Variants in PCBP3 observed in about 807,000 individuals in gnomAD.
PCBP3 encodes the protein poly(rC) binding protein 3.
In PCBP3, 25 loss-of-function variants were observed where a neutral mutation model predicts 52.7. That is an observed-to-expected ratio of 0.47 (90% CI 0.35 to 0.66). The LOEUF (loss-of-function observed/expected upper bound fraction) is 0.66. Among genes scored for constraint, PCBP3 ranks in the 30% least tolerant of loss-of-function variants. The pLI is 0.01. For synonymous variants in PCBP3, 162 were observed against 183.0 expected, an observed-to-expected ratio of 0.89 and a Z score of 0.93; for missense variants, 391 against 490.3, an observed-to-expected ratio of 0.80 and a Z score of 1.91.
chr21:45,774,065 G>A (rs1369548415), intron 4 of PCBP3, among the ~76,000 whole-genome samples: 1 of 152,134 alleles, frequency 6.6e-6, no homozygotes, highest in Non-Finnish European at 1.5e-5. Flanking sequence ...GATTTTGTAT[G>A]TTGATTTTGT....
intron 9 of PCBP3, among the ~76,000 whole-genome samples, chr21:45,903,918 C>T (rs973941012): frequency 1.3e-5 from 2 of 152,114 alleles, no homozygotes; most frequent in African/African-American, 4.8e-5. Context: ...AATTCTGAAT[C>T]GCTGCTTTGG....
chr21:45,862,394 A>T (rs1293505418), intron 5 of PCBP3, among the ~76,000 whole-genome samples: 3 of 152,218 alleles, frequency 2.0e-5, no homozygotes, highest in Non-Finnish European at 4.4e-5. Context: ...TATTTCATGT[A>T]TAATAGCAAG....
At chr21:45,794,255 A>T (rs1166556260) in intron 4 of PCBP3, among the ~76,000 whole-genome samples, 1 of 152,228 alleles carries the variant, frequency 6.6e-6, no homozygotes, top group African/African-American at 2.4e-5. Context: ...GGCTCTACAG[A>T]AAATTTACAA....
intron 4 of PCBP3, among the ~76,000 whole-genome samples, chr21:45,789,214 G>A (rs968696199): frequency 6.6e-6 from 1 of 152,228 alleles, no homozygotes; most frequent in Non-Finnish European, 1.5e-5. Context: ...ACATGCAAAT[G>A]TGCATGCATG....
chr21:45,744,012 G>T (rs773848065), intron 3 of PCBP3, among the ~76,000 whole-genome samples: 1 of 151,514 alleles, frequency 6.6e-6, no homozygotes, highest in African/African-American at 2.4e-5. Context: ...TTCTACCATG[G>T]TTATTGATTT....
At chr21:45,665,175 G>A (rs557369508) in intron 1 of PCBP3, among the ~76,000 whole-genome samples, 126 of 152,178 alleles carry the variant, frequency 8.3e-4, no homozygotes, top group Non-Finnish European at 1.5e-3. Context: ...GCCAAGGCAG[G>A]AGGATCACTT....
intron 2 of PCBP3, among the ~76,000 whole-genome samples, chr21:45,710,330 G>A (rs1248887209): frequency 1.3e-5 from 2 of 152,072 alleles, no homozygotes; most frequent in African/African-American, 4.8e-5. Context: ...AACAGTCCCT[G>A]GTGTGTGATG....
In PCBP3 at chr21:45,853,520, C is replaced by T. The variant is rs762105044; in HGVS notation, c.10+3425C>T. 2.2e-4 allele frequency among the ~76,000 whole-genome samples: 33 copies of T among 152,310 alleles called. 1 individual carries two copies. Among genetic ancestry groups the T allele is most frequent in the East Asian group, 5.8e-4 (3 of 5,178 alleles). ...CGAGCAAGCAGCTCACGGGCCCCAG[C>T]GACAGAATTTTCTGGGGTTTCAATA... On this transcript the variant is annotated intron_variant, in intron 5 of 17. Coordinates refer to ENST00000681687, the MANE Select transcript of PCBP3 (RefSeq NM_001384156.1). This position sits in a 1 kb window ranked among gnomAD's most constrained non-coding sequence, Gnocchi z 4.6.
rs79238697 is a variant in PCBP3 at position 45,708,773 on chromosome 21, C to A, written c.-199-26619C>A. 2.0e-3 allele frequency among the ~76,000 whole-genome samples: 311 copies of A among 152,276 alleles called. 1 individual carries two copies. The highest frequency in any genetic ancestry group is 7.2e-3 in the African/African-American group (300 of 41,570). The stretch of plus-strand genomic sequence containing the variant: ...TGGTGACTGTGATTCATGTGGGTTC[C>A]GTAGAGGCTTTTAGACCCTGGCTCT... On this transcript the variant is annotated intron_variant, in intron 2 of 17. Coordinates refer to ENST00000681687, the MANE Select transcript of PCBP3 (RefSeq NM_001384156.1).
chr21:45,789,029 G>A (rs576174658), intron 4 of PCBP3, among the ~76,000 whole-genome samples: 56 of 152,304 alleles, frequency 3.7e-4, no homozygotes, highest in African/African-American at 1.3e-3. Context: ...CTCTGTCCTG[G>A]GCTTAGAACA....
intron 5 of PCBP3, among the ~76,000 whole-genome samples, chr21:45,893,488 C>A (rs1603472816): frequency 9.9e-6 from 1 of 100,656 alleles, no homozygotes; most frequent in East Asian, 2.6e-4. Context: ...TAGGCTGCAT[C>A]CCCTGGGAGC....
intron 3 of PCBP3, among the ~76,000 whole-genome samples, chr21:45,740,270 G>T (rs749983341): frequency 6.6e-6 from 1 of 152,186 alleles, no homozygotes; most frequent in African/African-American, 2.4e-5. Context: ...GACTTGCCCC[G>T]CTGTGTGGTC....
intron 4 of PCBP3, among the ~76,000 whole-genome samples, chr21:45,798,220 A>G (rs1258571837): frequency 7.1e-6 from 1 of 141,540 alleles, no homozygotes; most frequent in East Asian, 2.0e-4. Context: ...CCATAGAGAG[A>G]GTGAATGGAT....
intron 4 of PCBP3, among the ~76,000 whole-genome samples, chr21:45,831,709 G>C (rs1569284062): frequency 6.6e-6 from 1 of 152,026 alleles, no homozygotes; most frequent in Non-Finnish European, 1.5e-5. Flanking sequence ...AAGCAAGTTA[G>C]TTAGTTAGTT....
chr21:45,840,456 C>CAA (rs36059363), intron 4 of PCBP3, among the ~76,000 whole-genome samples: 51 of 87,962 alleles, frequency 5.8e-4, no homozygotes, highest in African/African-American at 2.0e-3. Flanking sequence ...GACCCTGTCT[C>CAA]AAAAAAAAAA....
intron 17 of PCBP3, among the ~76,000 whole-genome samples, 179 bp downstream of exon 17, chr21:45,940,378 C>T (rs1473204567): frequency 6.6e-6 from 1 of 152,174 alleles, no homozygotes; most frequent in Admixed American, 6.5e-5. Flanking sequence ...TGACAGCCTC[C>T]ATGTAGACAC....
chr21:45,926,354 T>C (rs2075407753), intron 13 of PCBP3, among the ~76,000 whole-genome samples: 1 of 152,256 alleles, frequency 6.6e-6, no homozygotes. Context: ...AACAACTGTG[T>C]TACTGGTTTG....
At chr21:45,783,586 G>T (rs775145329) in intron 4 of PCBP3, among the ~76,000 whole-genome samples, 1 of 152,170 alleles carries the variant, frequency 6.6e-6, no homozygotes, top group Non-Finnish European at 1.5e-5. Context: ...AGCGCACAGC[G>T]GAGTGAGAAG....
At chr21:45,657,978 G>C (rs2080126953) in intron 1 of PCBP3, among the ~76,000 whole-genome samples, 1 of 152,172 alleles carries the variant, frequency 6.6e-6, no homozygotes, top group African/African-American at 2.4e-5. Context: ...GGACATCATT[G>C]TTTGTTCCTT....
Sources: allele counts gnomAD v4.1 joint callset (sites outside exome capture counted in the v4.1 genomes callset), GRCh38; gene constraint gnomAD v4.1.1; non-coding constraint Gnocchi (gnomAD v3.1); transcripts MANE v1.5; gene names NCBI Gene and HGNC (gene_info 2026-07-23, HGNC 2026-07-21).